Variants in RALYL observed in about 807,000 individuals in gnomAD.
RALYL encodes the protein RNA-binding Raly-like protein.
A neutral mutation model predicts 35.1 loss-of-function variants in RALYL; 29 were observed. The observed-to-expected ratio is 0.83, with a 90% CI of 0.61 to 1.13. The LOEUF (loss-of-function observed/expected upper bound fraction) is 1.13. Among genes scored for constraint, RALYL ranks in the 50% most tolerant of loss-of-function variants. The pLI is 0.00. For synonymous variants in RALYL, 120 were observed against 127.6 expected (o/e 0.94, Z 0.40); for missense variants, 359 against 360.4 (o/e 1.00, Z 0.03).
intron 2 of RALYL, among the ~76,000 whole-genome samples, chr8:84,590,687 T>C (rs1019457762): frequency 2.0e-5 from 3 of 152,196 alleles, no homozygotes; most frequent in African/African-American, 7.2e-5. Flanking sequence ...AATAATGGAA[T>C]TGACTGCTTT....
chr8:84,293,174 ATAAC>A (rs1839093323), intron 1 of RALYL, among the ~76,000 whole-genome samples: 1 of 152,178 alleles, frequency 6.6e-6, no homozygotes, highest in Non-Finnish European at 1.5e-5. Context: ...AAAGCAGAGA[ATAAC>A]TAAATACCAA....
At chr8:84,689,292 T>C (rs966950463) in intron 2 of RALYL, among the ~76,000 whole-genome samples, 9 of 152,092 alleles carry the variant, frequency 5.9e-5, no homozygotes, top group Non-Finnish European at 7.4e-5. Context: ...TGTGTTCTCA[T>C]TGTTCAATTC....
At chr8:84,682,129 T>C (rs1249897888) in intron 2 of RALYL, among the ~76,000 whole-genome samples, 1 of 152,238 alleles carries the variant, frequency 6.6e-6, no homozygotes, top group Non-Finnish European at 1.5e-5. Context: ...TCTGTTTATA[T>C]GCTGGATTAC....
intron 2 of RALYL, among the ~76,000 whole-genome samples, chr8:84,637,954 A>C (rs1825424606): frequency 6.6e-6 from 1 of 151,942 alleles, no homozygotes; most frequent in South Asian, 2.1e-4. Context: ...AGCTAGAACA[A>C]ATAGACTTAA....
chr8:84,679,455 C>T, intron 2 of RALYL: 1 of 315,482 alleles, frequency 3.2e-6, no homozygotes. Context: ...ACACTCTGTG[C>T]TTAGGTGGTT....
intron 1 of RALYL, among the ~76,000 whole-genome samples, chr8:84,424,307 C>T (rs2132489109): frequency 7.9e-6 from 1 of 127,236 alleles, no homozygotes; most frequent in East Asian, 2.1e-4. Context: ...ATTTCATCTT[C>T]CATTGCTGAT....
chr8:84,452,412 A>G (rs1391141105), intron 1 of RALYL, among the ~76,000 whole-genome samples: 1 of 151,980 alleles, frequency 6.6e-6, no homozygotes, highest in Non-Finnish European at 1.5e-5. Context: ...TATCAGTATT[A>G]AAGTCAAAAC....
chr8:84,897,269 G>T (rs1844916096), intron 8 of RALYL, among the ~76,000 whole-genome samples: 1 of 152,162 alleles, frequency 6.6e-6, no homozygotes, highest in South Asian at 2.1e-4. Context: ...CATTTTGCCA[G>T]TGAAGCTTTC....
chr8:84,823,403 C>T (rs1003251588), intron 4 of RALYL, among the ~76,000 whole-genome samples: 2 of 152,054 alleles, frequency 1.3e-5, no homozygotes, highest in Admixed American at 1.3e-4. Flanking sequence ...TCCTTGAAGA[C>T]TCTTGAAAGA....
intron 1 of RALYL, among the ~76,000 whole-genome samples, chr8:84,266,730 G>C (rs535259228): frequency 3.3e-5 from 5 of 152,120 alleles, no homozygotes; most frequent in Non-Finnish European, 7.4e-5. Context: ...GGAGGCCGAG[G>C]CGGGCGGATC....
chr8:84,473,693 G>A (rs1365905671), intron 1 of RALYL, among the ~76,000 whole-genome samples: 1 of 151,520 alleles, frequency 6.6e-6, no homozygotes, highest in Non-Finnish European at 1.5e-5. Flanking sequence ...TTTTATCAGT[G>A]TCCTTTGGGT....
At chr8:84,550,973 G>C (rs1409241913) in intron 2 of RALYL, among the ~76,000 whole-genome samples, 1 of 151,862 alleles carries the variant, frequency 6.6e-6, no homozygotes. Flanking sequence ...ACATTAAATA[G>C]AGAAATTAAG....
intron 1 of RALYL, among the ~76,000 whole-genome samples, chr8:84,450,245 A>G (rs1337890685): frequency 1.3e-5 from 2 of 151,978 alleles, no homozygotes; most frequent in African/African-American, 4.8e-5. Context: ...AATGATTACT[A>G]AAAAGATGCT....
intron 1 of RALYL, among the ~76,000 whole-genome samples, chr8:84,344,792 G>A (rs1019799505): frequency 6.6e-6 from 1 of 151,988 alleles, no homozygotes; most frequent in African/African-American, 2.4e-5. Context: ...GAGATGAGTG[G>A]TATTTGTCTT....
intron 2 of RALYL, among the ~76,000 whole-genome samples, chr8:84,564,875 TATAAA>T (rs778500020): frequency 2.6e-5 from 4 of 151,630 alleles, no homozygotes; most frequent in Non-Finnish European, 5.9e-5. Flanking sequence ...TAAAGATTCA[TATAAA>T]ATAAGTTCAT....
chr8:84,349,242 C>G (rs966483608), intron 1 of RALYL, among the ~76,000 whole-genome samples: 1 of 150,376 alleles, frequency 6.6e-6, no homozygotes, highest in Non-Finnish European at 1.5e-5. Context: ...CACTTACCAC[C>G]CATCCCTCTC....
chr8:84,920,267 T>C (rs1423415557), intron 8 of RALYL, among the ~76,000 whole-genome samples: 1 of 152,072 alleles, frequency 6.6e-6, no homozygotes, highest in South Asian at 2.1e-4. Flanking sequence ...TACATAATTT[T>C]CCCCACTGAT....
intron 4 of RALYL, among the ~76,000 whole-genome samples, chr8:84,819,132 C>A (rs1168231083): frequency 6.6e-6 from 1 of 152,014 alleles, no homozygotes; most frequent in African/African-American, 2.4e-5. Flanking sequence ...TACTTTTTTG[C>A]GTTTTTTTTA....
intron 1 of RALYL, among the ~76,000 whole-genome samples, chr8:84,387,924 A>G (rs1333836449): frequency 1.3e-5 from 2 of 151,624 alleles, no homozygotes; most frequent in African/African-American, 2.4e-5. Context: ...TACATGTGCC[A>G]TGCTGGTGCA....
Sources: allele counts gnomAD v4.1 joint callset (sites outside exome capture counted in the v4.1 genomes callset), GRCh38; gene constraint gnomAD v4.1.1; transcripts MANE v1.5; gene names NCBI Gene and HGNC (gene_info 2026-07-23, HGNC 2026-07-21).